The following DCAF6 variants were observed in gnomAD, a reference collection of about 807,000 sequenced individuals.
DCAF6 encodes the protein DDB1- and CUL4-associated factor 6.
In DCAF6, 54 loss-of-function variants were observed where a neutral mutation model predicts 125.1. The ratio of observed to expected loss-of-function variants is 0.43; its 90% CI spans 0.35 to 0.54. The LOEUF (loss-of-function observed/expected upper bound fraction) is 0.54. DCAF6 is among the 20% of genes least tolerant of loss of function. The pLI, the probability that DCAF6 is intolerant of heterozygous loss-of-function variation, is 0.01. For missense variants in DCAF6, 934 were observed against 1,161.7 expected, an observed-to-expected ratio of 0.80 and a Z score of 2.85; for synonymous variants, 371 against 390.4, an observed-to-expected ratio of 0.95 and a Z score of 0.58.
intron 4 of DCAF6, among the ~76,000 whole-genome samples, chr1:167,980,560 G>C (rs1461104492): frequency 1.3e-5 from 2 of 152,066 alleles, no homozygotes; most frequent in Non-Finnish European, 2.9e-5. Context: ...TTTCCCCAAA[G>C]ATTACTGAAG....
chr1:167,908,897 C>A, the DCAF6 span, among the ~76,000 whole-genome samples: 1 of 152,290 alleles, frequency 6.6e-6, no homozygotes, highest in African/African-American at 2.4e-5. Context: ...TTAGTGCTAT[C>A]TTTTAAAAAA....
chr1:168,033,367 C>CTGCA (rs1219753462), intron 12 of DCAF6, among the ~76,000 whole-genome samples: 4 of 144,682 alleles, frequency 2.8e-5, no homozygotes, highest in Non-Finnish European at 6.0e-5. Flanking sequence ...GGACTGCGGA[C>CTGCA]TGCAGTGGCG....
intron 2 of DCAF6, among the ~76,000 whole-genome samples, chr1:167,960,833 G>C (rs1483614884): frequency 6.6e-6 from 1 of 152,050 alleles, no homozygotes; most frequent in Non-Finnish European, 1.5e-5. Flanking sequence ...CCGAGTCTTT[G>C]GCATCTCTTA....
chr1:167,919,947 AAC>A, the DCAF6 span: 2 of 1,534,914 alleles, frequency 1.3e-6, no homozygotes, highest in Non-Finnish European at 1.8e-6. Context: ...TAGCTTTTGC[AAC>A]AGTTTTAAAA....
the DCAF6 span, among the ~76,000 whole-genome samples, chr1:167,867,415 G>A: frequency 6.6e-6 from 1 of 152,200 alleles, no homozygotes; most frequent in East Asian, 1.9e-4. Context: ...CTCAGACTGA[G>A]AACTGTTCCC....
intron 3 of DCAF6, chr1:167,968,354 C>T (rs74120581): frequency 0.017 from 2,567 of 152,370 alleles, 64 homozygotes; most frequent in African/African-American, 0.058. Context: ...GAGACCCCCC[C>T]GTGCTGAGTG....
chr1:168,041,907 C>G (rs1200552364), intron 13 of DCAF6, among the ~76,000 whole-genome samples: 1 of 150,850 alleles, frequency 6.6e-6, no homozygotes, highest in Non-Finnish European at 1.5e-5. Flanking sequence ...CACACACACA[C>G]ACACACACAC....
intron 10 of DCAF6, among the ~76,000 whole-genome samples, chr1:168,009,601 T>G (rs1425475889): frequency 6.6e-6 from 1 of 151,692 alleles, no homozygotes; most frequent in Non-Finnish European, 1.5e-5. Context: ...TTTCTTTTCT[T>G]TCCCTCTTTC....
At chr1:167,936,190 T>A (rs756818996), upstream of DCAF6, 11 of 271,002 alleles carry the variant, frequency 4.1e-5, no homozygotes, top group Admixed American at 5.0e-4. Context: ...CTGCCCGCCA[T>A]GATTGGCCCG....
At chr1:168,033,074 C>T (rs1217906479) in intron 12 of DCAF6, among the ~76,000 whole-genome samples, 1 of 152,004 alleles carries the variant, frequency 6.6e-6, no homozygotes, top group African/African-American at 2.4e-5. Flanking sequence ...TTTAGAACCT[C>T]ATGATTATAA....
At chr1:168,065,885 C>A in intron 19 of DCAF6, 139 bp downstream of exon 19, 1 of 725,730 alleles carries the variant, frequency 1.4e-6, no homozygotes, top group Non-Finnish European at 2.1e-6. Context: ...TCAATTACAG[C>A]TGAACTTGCA....
At chr1:167,901,442 TG>T in the DCAF6 span, among the ~76,000 whole-genome samples, 3 of 152,320 alleles carry the variant, frequency 2.0e-5, no homozygotes, top group East Asian at 5.8e-4. Context: ...ATTTACTTTT[TG>T]TAATAGCTTA....
chr1:167,980,484 A>C (rs1259644033), intron 4 of DCAF6, among the ~76,000 whole-genome samples: 1 of 152,092 alleles, frequency 6.6e-6, no homozygotes, highest in Non-Finnish European at 1.5e-5. Flanking sequence ...GCCAACACTT[A>C]CAATTTTTTT....
At chr1:167,972,789 G>A (rs1309068275) in intron 3 of DCAF6, among the ~76,000 whole-genome samples, 1 of 152,142 alleles carries the variant, frequency 6.6e-6, no homozygotes, top group Admixed American at 6.5e-5. Flanking sequence ...AGAGGGGAGT[G>A]TATTTTGAGA....
intron 2 of DCAF6, among the ~76,000 whole-genome samples, chr1:167,952,711 A>G (rs1054773588): frequency 3.3e-5 from 5 of 152,072 alleles, no homozygotes; most frequent in East Asian, 1.9e-4. Context: ...CTCCAGCTCA[A>G]AATGACCCTA....
At chr1:168,024,422 T>C (rs1461746679) in intron 12 of DCAF6, among the ~76,000 whole-genome samples, 1 of 152,178 alleles carries the variant, frequency 6.6e-6, no homozygotes, top group Non-Finnish European at 1.5e-5. Flanking sequence ...GTGTGAAATA[T>C]ATGTAATTTA....
intron 7 of DCAF6, 123 bp downstream of exon 7, chr1:167,993,563 A>C (rs1681186111): frequency 7.3e-6 from 5 of 686,314 alleles, no homozygotes; most frequent in Non-Finnish European, 1.2e-5. Context: ...CAGCCTGACC[A>C]ACATGGAGAA....
At chr1:168,063,797 G>A in intron 18 of DCAF6, 38 bp downstream of exon 18, 1 of 1,585,276 alleles carries the variant, frequency 6.3e-7, no homozygotes. Context: ...TGAAATTGCA[G>A]TTTCATGCTC....
the DCAF6 span, among the ~76,000 whole-genome samples, chr1:167,890,944 C>CATTT: frequency 1.0e-3 from 153 of 152,234 alleles, 1 homozygote; most frequent in African/African-American, 3.6e-3. Context: ...CCTCATCCAA[C>CATTT]ATTTATTTAT....
Sources: gnomAD v4.1 joint callset for allele counts (sites outside exome capture counted in the v4.1 genomes callset) on GRCh38, gnomAD v4.1.1 for gene constraint, MANE v1.5 for transcripts, NCBI Gene and HGNC (gene_info 2026-07-23, HGNC 2026-07-21) for gene names.